The following CCDC18 variants were observed in gnomAD, a reference collection of about 807,000 sequenced individuals.
The protein encoded by CCDC18 is coiled-coil domain-containing protein 18.
In CCDC18, 157 loss-of-function variants were observed where a neutral mutation model predicts 196.0. The ratio of observed to expected loss-of-function variants is 0.80; its 90% confidence interval spans 0.70 to 0.91. The LOEUF (loss-of-function observed/expected upper bound fraction) is 0.91. CCDC18 is among the 40% of genes least tolerant of loss of function. CCDC18 has a pLI of 0.00. For missense variants in CCDC18, 1,465 were observed against 1,611.6 expected (o/e 0.91, Z 1.56); for synonymous variants, 482 against 529.2 (o/e 0.91, Z 1.22).
chr1:93,246,142 C>T lies in CCDC18; in HGVS notation c.3019C>T (p.Leu1007Phe). 2 of 1,605,028 alleles carry T rather than the reference C, an allele frequency of 1.2e-6. No individual in the cohort carries two copies. Among genetic ancestry groups the T allele is most frequent in the South Asian group, 1.1e-5 (1 of 89,166 alleles). Reference protein sequence around the residue: ...KMEIEDKKQELLEMDQALKER... With the variant: ...KMEIEDKKQEFLEMDQALKER... ...GGAGATTGAAGACAAAAAGCAGGAGCTCCTTGAAATGGATCAGGCACTTAA... is the reference window on the plus strand; with the variant it reads ...GGAGATTGAAGACAAAAAGCAGGAGTTCCTTGAAATGGATCAGGCACTTAA... The change falls in exon 22 of 29, where the codon CTC becomes TTC. Residue 1007 changes from leucine (L) to phenylalanine (F), a missense_variant. By Grantham distance (22) the Leu-to-Phe change is conservative (BLOSUM62 0). Transcript: ENST00000690025.
chr1:93,218,471 CAT>C, intron 14 of CCDC18, among the ~76,000 whole-genome samples: 1 of 151,812 alleles, frequency 6.6e-6, no homozygotes, highest in East Asian at 1.9e-4. Context: ...AACTTGTTCT[CAT>C]AAAAGTGTGT....
At chr1:93,190,112 T>C (rs970113319) in intron 4 of CCDC18, among the ~76,000 whole-genome samples, 1 of 152,246 alleles carries the variant, frequency 6.6e-6, no homozygotes, top group Non-Finnish European at 1.5e-5. Flanking sequence ...GTATTCTCTC[T>C]TAGCACTCTG....
In CCDC18 at chr1:93,264,680, TCCA is replaced by T; in HGVS notation, c.3685-20_3685-18del. On this transcript the variant is annotated intron_variant, in intron 26 of 28. Transcript: ENST00000690025. ...TTCCATTTTTTTATTTTTTTTCTTT[TCCA>T]ATTCTGGGGCTATATAGATGATTTC... 1 of 1,458,914 alleles carries T rather than the reference TCCA, an allele frequency of 6.9e-7. No individual in the cohort carries two copies. Among genetic ancestry groups the T allele is most frequent in the Non-Finnish European group, 9.4e-7 (1 of 1,063,162 alleles). 90.4% of individuals were successfully genotyped at this position (1,458,914 alleles called of 1,614,324 possible). A position where few individuals can be genotyped will look rare whatever the true frequency, so the allele number is the denominator to read the frequency against.
At chr1:93,218,596 G>A (rs953805078) in intron 14 of CCDC18, among the ~76,000 whole-genome samples, 2 of 151,574 alleles carry the variant, frequency 1.3e-5, no homozygotes, top group African/African-American at 4.8e-5. Flanking sequence ...TGCAGTCTCC[G>A]CCTTCTGGGT....
intron 27 of CCDC18, among the ~76,000 whole-genome samples, chr1:93,268,739 C>T (rs1483778893): frequency 2.0e-5 from 3 of 151,998 alleles, no homozygotes; most frequent in Non-Finnish European, 4.4e-5. Context: ...CCATCTCACA[C>T]CAGTTAGAAT....
intron 18 of CCDC18, among the ~76,000 whole-genome samples, chr1:93,234,936 AGTGTGTGTGTGT>A (rs3223482): frequency 1.0e-4 from 12 of 119,372 alleles, no homozygotes; most frequent in East Asian, 2.3e-4. Flanking sequence ...CCCAGCTAAG[AGTGTGTGTGTGT>A]GTGTGTGTGT....
At chr1:93,256,932 A>C (rs575778779) in intron 25 of CCDC18, among the ~76,000 whole-genome samples, 1 of 152,256 alleles carries the variant, frequency 6.6e-6, no homozygotes, top group East Asian at 1.9e-4. Context: ...TGACTCTTAA[A>C]AATGAAAACT....
intron 16 of CCDC18, among the ~76,000 whole-genome samples, chr1:93,222,302 G>A (rs976013058): frequency 6.6e-6 from 1 of 151,770 alleles, no homozygotes; most frequent in Non-Finnish European, 1.5e-5. Context: ...TTAATTATTT[G>A]ATAGTTAATC....
intron 17 of CCDC18, among the ~76,000 whole-genome samples, chr1:93,230,206 A>G (rs987427841): frequency 2.0e-5 from 3 of 152,124 alleles, no homozygotes; most frequent in African/African-American, 7.2e-5. Flanking sequence ...TTTACTTTTA[A>G]ACTAAAGCCA....
At chr1:93,211,629 A>G (rs1037061684) in intron 10 of CCDC18, among the ~76,000 whole-genome samples, 1 of 152,188 alleles carries the variant, frequency 6.6e-6, no homozygotes, top group Non-Finnish European at 1.5e-5. Flanking sequence ...ACTCAGCAGT[A>G]TTTAAAAAAT....
In CCDC18 at chr1:93,264,761, T is replaced by A. The variant is rs1390781244; in HGVS notation, c.3745T>A (p.Ser1249Thr). The change falls in exon 27 of 29, where the codon TCT (serine) becomes ACT (threonine). Residue 1249 changes from serine to threonine, a missense_variant. Transcript: ENST00000690025. ...GATTTCTGCTGACTCTCAAAAGTCT[T>A]CTGTTCAGCAACTAAACGAACAGTT... is the stretch of plus-strand genomic sequence containing the variant. ...WKISADSQKS[S>T]VQQLNEQLEK... The A allele has an allele frequency of 6.2e-7, 1 of 1,613,262 alleles. No individual in the cohort carries two copies. The highest frequency in any genetic ancestry group is 1.7e-5 in the Admixed American group (1 of 60,010).
chr1:93,183,123 C>A (rs1478866817), intron 1 of CCDC18, among the ~76,000 whole-genome samples: 1 of 152,054 alleles, frequency 6.6e-6, no homozygotes, highest in Non-Finnish European at 1.5e-5. Context: ...ACTATAATAA[C>A]TAGACCCTGG....
chr1:93,264,697 A>C lies in CCDC18; in HGVS notation c.3685-4A>C. 1 of 1,586,912 alleles carries C rather than the reference A, an allele frequency of 6.3e-7. No individual in the cohort carries two copies. The highest frequency in any genetic ancestry group is 8.6e-7 in the Non-Finnish European group (1 of 1,157,760). On this transcript the variant is annotated splice_region_variant and splice_polypyrimidine_tract_variant and intron_variant, in intron 26 of 28. Coordinates refer to ENST00000690025, the MANE Select transcript of CCDC18 (RefSeq NM_001378204.1). ...TTTTCTTTTCCAATTCTGGGGCTATATAGATGATTTCACATCAAGAGAACC... is the reference window on the plus strand; with the variant it reads ...TTTTCTTTTCCAATTCTGGGGCTATCTAGATGATTTCACATCAAGAGAACC...
At chr1:93,202,943 G>C (rs914639771) in intron 7 of CCDC18, among the ~76,000 whole-genome samples, 1 of 152,212 alleles carries the variant, frequency 6.6e-6, no homozygotes. Flanking sequence ...GCTTCACAGA[G>C]TAGGCAATGC....
At chr1:93,243,301 A>C (rs1661067847) in intron 21 of CCDC18, among the ~76,000 whole-genome samples, 1 of 152,248 alleles carries the variant, frequency 6.6e-6, no homozygotes, top group Non-Finnish European at 1.5e-5. Context: ...CTGCCAAGGC[A>C]TGGGGCTTGC....
Position 93,264,810 on chromosome 1 carries a change from A to G in CCDC18, c.3794A>G (p.Glu1265Gly). 6.2e-7 allele frequency: 1 copy of G among 1,613,562 alleles called. No homozygotes were observed. Among genetic ancestry groups the G allele is most frequent in the Non-Finnish European group, 8.5e-7 (1 of 1,179,586 alleles). ...EQLEKAKLELEEAQDTVSNLH... is the reference protein window; with the variant it reads ...EQLEKAKLELGEAQDTVSNLH... ...TTAGAGAAGGCAAAATTGGAATTAG[A>G]AGAAGCTCAGGATACTGTAAGCAAT... is the stretch of plus-strand genomic sequence containing the variant. Residue 1265 changes from glutamate to glycine, a missense_variant, in exon 27 of 29, where the codon GAA becomes GGA. Coordinates refer to ENST00000690025, the MANE Select transcript of CCDC18 (RefSeq NM_001378204.1).
chr1:93,257,554 T>C (rs1663180704), intron 25 of CCDC18, among the ~76,000 whole-genome samples: 1 of 152,036 alleles, frequency 6.6e-6, no homozygotes, highest in Non-Finnish European at 1.5e-5. Flanking sequence ...TTCAATTCCA[T>C]AGGAACTGAA....
chr1:93,180,763 A>C lies in CCDC18; in HGVS notation c.-92A>C, dbSNP rs1280132473. The C allele has an allele frequency of 7.3e-7, 1 of 1,367,202 alleles. No homozygotes were observed. Among genetic ancestry groups the C allele is most frequent in the Non-Finnish European group, 9.8e-7 (1 of 1,021,816 alleles). 84.7% of individuals were successfully genotyped at this position (1,367,202 alleles called of 1,614,324 possible). ...GCTGCCGGGGTTCGCTGGTTCTCCG[A>C]GTTGTGTCCGAGGCTTCCACGCGCA... On this transcript the variant is annotated 5_prime_UTR_variant, in exon 1 of 29. Transcript: ENST00000690025.
chr1:93,184,659 C>T (rs191531371), intron 3 of CCDC18, among the ~76,000 whole-genome samples: 1 of 152,008 alleles, frequency 6.6e-6, no homozygotes, highest in Admixed American at 6.5e-5. Context: ...ATTTATCCCT[C>T]TTCCTCACTC....
Sources: allele counts gnomAD v4.1 joint callset (sites outside exome capture counted in the v4.1 genomes callset), GRCh38; gene constraint gnomAD v4.1.1; transcripts MANE v1.5; gene names NCBI Gene and HGNC (gene_info 2026-07-23, HGNC 2026-07-21).